MTA1: variants seen among roughly 807,000 people sequenced by gnomAD.
MTA1 encodes the protein metastasis-associated protein MTA1.
Under a neutral mutation model 97.0 loss-of-function variants are expected in MTA1, and 15 were observed. The observed-to-expected ratio is 0.15, with a 90% CI of 0.10 to 0.24. The LOEUF (loss-of-function observed/expected upper bound fraction) is 0.24, where lower values mean the gene tolerates loss of function less well. MTA1 is among the 10% of genes least tolerant of loss of function. The pLI, the probability that MTA1 is intolerant of heterozygous loss-of-function variation, is 1.00. For missense variants in MTA1, 709 were observed against 1,015.1 expected, an observed-to-expected ratio of 0.70 and a Z score of 4.10; for synonymous variants, 435 against 417.5, an observed-to-expected ratio of 1.04 and a Z score of -0.51.
At chr14:105,453,185 C>T (rs10467892) in intron 6 of MTA1, among the ~76,000 whole-genome samples, 7,808 of 152,378 alleles carry the variant, frequency 0.051, 634 homozygotes, top group African/African-American at 0.18. Flanking sequence ...GGAATGCTGG[C>T]GGGAAGGGCC....
rs1488127955 is a variant in MTA1 at position 105,470,178 on chromosome 14, C to T, written c.2111C>T (p.Ala704Val). The stretch of plus-strand genomic sequence containing the variant: ...CTGCCGCCGCGGCCACCGCCACCTG[C>T]GCCCGTCAACGACGAGCCCATCGTC... Reference protein sequence around the residue: ...QALPPRPPPPAPVNDEPIVIE... With the variant: ...QALPPRPPPPVPVNDEPIVIE... Residue 704 changes from alanine to valine, a missense_variant, in exon 21 of 21, where the codon GCG (alanine) becomes GTG (valine). This residue lies in a region of MTA1 where 388 missense variants were observed against 421.6 expected (regional missense o/e 0.92). Transcript: ENST00000331320. 1.4e-5 allele frequency: 22 copies of T among 1,608,078 alleles called. No homozygotes were observed. Among genetic ancestry groups the T allele is most frequent in the Middle Eastern group, 1.7e-4 (1 of 6,046 alleles).
Position 105,469,859 on chromosome 14 carries a change from C to A in MTA1, c.1864C>A (p.Leu622Met). Reference protein sequence around the residue: ...ARHMGPSRNLLLNGKSYPTKV... With the variant: ...ARHMGPSRNLMLNGKSYPTKV... ...TCTGCAGGGACCAAGCCGGAACCTC[C>A]TGCTCAACGGGAAGTCCTACCCCAC... The change falls in exon 20 of 21, where the codon CTG (leucine) becomes ATG (methionine). Residue 622 changes from leucine (L) to methionine (M), a missense_variant. Around this residue, in one of 2 missense-constraint regions of MTA1, gnomAD observed 388 missense variants for 421.6 expected, o/e 0.92. Coordinates refer to ENST00000331320, the MANE Select transcript of MTA1 (RefSeq NM_004689.4). 1 of 1,608,730 alleles carries A rather than the reference C, an allele frequency of 6.2e-7. No individual in the cohort carries two copies.
rs781860871 is a variant in MTA1 at position 105,458,322 on chromosome 14, G to T, written c.603G>T (p.Ala201=). 1 of 1,612,556 alleles carries T rather than the reference G, an allele frequency of 6.2e-7. No individual in the cohort carries two copies. The highest frequency in any genetic ancestry group is 1.7e-5 in the Admixed American group (1 of 59,990). The change falls in exon 8 of 21, where the codon GCG becomes GCT. Residue 201 remains alanine, a synonymous_variant. Transcript: ENST00000331320. ...QSRLETQVWE[A]HNPLTDKQID... is the part of the protein sequence containing the mutation. ...GGTTGGAGACCCAGGTGTGGGAGGC[G>T]CACAACCCACTCACAGACAAGCAGA... is the stretch of plus-strand genomic sequence containing the variant.
chr14:105,441,982 C>T (rs1430440474), intron 2 of MTA1, among the ~76,000 whole-genome samples: 4 of 152,048 alleles, frequency 2.6e-5, no homozygotes, highest in African/African-American at 9.7e-5. Context: ...ATGAAAGGAT[C>T]AGGTGATAAA....
intron 18 of MTA1, 75 bp from the exon 19 acceptor site, chr14:105,469,392 T>C: frequency 6.5e-7 from 1 of 1,532,840 alleles, no homozygotes; most frequent in South Asian, 1.1e-5. Flanking sequence ...CCAAGGTGGC[T>C]GAGGCCGTGG....
At position 105,463,402 on chromosome 14, in the gene MTA1, T is replaced by C. The variant is rs1353596746; in HGVS notation, c.1018-91T>C. 2.6e-6 allele frequency: 4 copies of C among 1,518,532 alleles called. No homozygotes were observed. In the African/African-American group the frequency reaches 5.5e-5, roughly 21 times the overall value. The allele number at this position is 1,518,532 out of a possible 1,614,324, so 94.1% of individuals were successfully genotyped here. A position where few individuals can be genotyped will look rare whatever the true frequency, so the allele number is the denominator to read the frequency against. On this transcript the variant is annotated intron_variant, in intron 11 of 20. Coordinates refer to ENST00000331320, the MANE Select transcript of MTA1 (RefSeq NM_004689.4). This position sits in a 1 kb window ranked among gnomAD's most constrained non-coding sequence, Gnocchi z 5.9. Reference sequence around the variant, plus strand: ...CCTGGCCCGGCTGTCCTCTCCGTGGTGCTCTCCTCTCCGTAGCCTCCAGCC... The same window carrying C: ...CCTGGCCCGGCTGTCCTCTCCGTGGCGCTCTCCTCTCCGTAGCCTCCAGCC...
chr14:105,449,309 C>T (rs782158322), intron 3 of MTA1, 50 bp from the exon 4 acceptor site: 12 of 1,583,646 alleles, frequency 7.6e-6, no homozygotes, highest in South Asian at 5.8e-5. Flanking sequence ...GGGAGCAGGC[C>T]GCCACCCTGT....
chr14:105,449,753 C>T (rs2141575113), intron 4 of MTA1, among the ~76,000 whole-genome samples: 1 of 152,352 alleles, frequency 6.6e-6, no homozygotes, highest in South Asian at 2.1e-4. Context: ...TTGCCTGCTG[C>T]TTCTGGGGCT....
At chr14:105,432,514 C>T (rs1555423567) in intron 1 of MTA1, among the ~76,000 whole-genome samples, 2 of 152,230 alleles carry the variant, frequency 1.3e-5, no homozygotes, top group South Asian at 2.1e-4. Context: ...GCTGGGATTA[C>T]AGGCGTGAGC....
At chr14:105,440,263 C>T (rs1555425331) in intron 2 of MTA1, among the ~76,000 whole-genome samples, 2 of 152,260 alleles carry the variant, frequency 1.3e-5, no homozygotes, top group African/African-American at 4.8e-5. Flanking sequence ...CTTTACGCAT[C>T]CCAGCATGTG....
intron 1 of MTA1, among the ~76,000 whole-genome samples, chr14:105,423,215 A>ATTTTT (rs1166908446): frequency 9.7e-5 from 11 of 113,554 alleles, no homozygotes; most frequent in African/African-American, 1.8e-4. Context: ...TTTTTGTTTA[A>ATTTTT]TTTTTTTTTT....
rs376653356 is a variant in MTA1 at position 105,464,178 on chromosome 14, G to A, written c.1192+31G>A. 1,633 of 1,583,696 alleles carry A rather than the reference G, an allele frequency of 1.0e-3. 4 individuals carry two copies. Among genetic ancestry groups the A allele is most frequent in the Non-Finnish European group, 1.3e-3 (1,539 of 1,161,892 alleles). On this transcript the variant is annotated intron_variant, in intron 13 of 20. Coordinates refer to ENST00000331320, the MANE Select transcript of MTA1 (RefSeq NM_004689.4). ...TGCCCTGGATGGCCGGGGGCACACC[G>A]CACGCCCGCCTGTGGGCCGTGGTGC...
At chr14:105,462,373 A>G (rs1411746530) in intron 10 of MTA1, among the ~76,000 whole-genome samples, 1 of 152,150 alleles carries the variant, frequency 6.6e-6, no homozygotes. Context: ...GATCAAGACC[A>G]TCCTGGCCAA....
rs1264010262 is a variant in MTA1 at position 105,470,442 on chromosome 14, C to G, written c.*227C>G. ...TTTTAGCTTTGTGTTTACTTTTTGG[C>G]TGGAGCGGAGATGAGGGGCCACCCC... On this transcript the variant is annotated 3_prime_UTR_variant, in exon 21 of 21. Transcript: ENST00000331320. 2 of 475,516 alleles carry G rather than the reference C, an allele frequency of 4.2e-6. No homozygotes were observed. The highest frequency in any genetic ancestry group is 7.2e-6 in the Non-Finnish European group (2 of 277,360). The allele number at this position is 475,516 out of a possible 1,614,324, so 29.5% of individuals were successfully genotyped here.
chr14:105,460,315 C>T (rs782636056), intron 8 of MTA1, 43 bp from the exon 9 acceptor site: 2 of 1,549,426 alleles, frequency 1.3e-6, no homozygotes, highest in East Asian at 4.6e-5. Context: ...GTGGGGAGTC[C>T]CTGCTTGGCC....
intron 3 of MTA1, among the ~76,000 whole-genome samples, chr14:105,446,066 C>G (rs587685586): frequency 6.6e-6 from 1 of 152,254 alleles, no homozygotes; most frequent in South Asian, 2.1e-4. Flanking sequence ...TGCCCTCAGC[C>G]TTGGGGACCC....
chr14:105,425,799 C>T (rs1245417257), intron 1 of MTA1, among the ~76,000 whole-genome samples: 1 of 151,910 alleles, frequency 6.6e-6, no homozygotes, highest in Non-Finnish European at 1.5e-5. Context: ...TAGTGCAAGG[C>T]CACCCAGCAC....
At chr14:105,469,185 C>G in intron 18 of MTA1, 1 of 630,286 alleles carries the variant, frequency 1.6e-6, no homozygotes, top group Non-Finnish European at 2.9e-6. Context: ...AGCCCCGGCC[C>G]CTGTGCAGGG....
Position 105,463,167 on chromosome 14 carries a change from C to T in MTA1, c.943-17C>T, listed in dbSNP as rs370570188. 6.5e-5 allele frequency: 105 copies of T among 1,610,098 alleles called. No homozygotes were observed. Among genetic ancestry groups the T allele is most frequent in the Middle Eastern group, 1.6e-4 (1 of 6,074 alleles). On this transcript the variant is annotated splice_polypyrimidine_tract_variant and intron_variant, in intron 10 of 20. Transcript: ENST00000331320. The surrounding 1 kb of genome is among the most constrained non-coding windows in gnomAD (Gnocchi z 5.9). ...CCTGCCCCTTCCTGCTTGTGTGACA[C>T]GCCTCCTCCCACCCAGCTCCCGTGG...
Sources: allele counts gnomAD v4.1 joint callset (sites outside exome capture counted in the v4.1 genomes callset), GRCh38; gene constraint gnomAD v4.1.1; regional missense constraint gnomAD v4.1.1; non-coding constraint Gnocchi (gnomAD v3.1); transcripts MANE v1.5; gene names NCBI Gene and HGNC (gene_info 2026-07-23, HGNC 2026-07-21).